The following TRAPPC9 variants were observed in gnomAD, a reference collection of about 807,000 sequenced individuals.
The protein encoded by TRAPPC9 is IKK2 binding protein.
TRAPPC9 carries 83 observed loss-of-function variants against 124.0 expected under a neutral mutation model. That is an observed-to-expected ratio of 0.67 (90% CI 0.56 to 0.80). TRAPPC9 has a LOEUF of 0.80. TRAPPC9 is among the 30% of genes least tolerant of loss of function. The pLI is 0.00. For missense variants in TRAPPC9, 1,302 were observed against 1,508.3 expected (o/e 0.86, Z 2.27); for synonymous variants, 638 against 617.5 (o/e 1.03, Z -0.49).
chr8:139,900,020 A>C (rs1830921188), intron 20 of TRAPPC9, among the ~76,000 whole-genome samples: 1 of 152,192 alleles, frequency 6.6e-6, no homozygotes, highest in Non-Finnish European at 1.5e-5. Flanking sequence ...TCATTCCACC[A>C]TTTGACCAGA....
intron 17 of TRAPPC9, among the ~76,000 whole-genome samples, chr8:140,043,222 T>A (rs959291021): frequency 6.6e-6 from 1 of 152,234 alleles, no homozygotes; most frequent in Admixed American, 6.5e-5. Context: ...CCACTTTTTA[T>A]AGTTTCCAGA....
chr8:140,358,926 G>A (rs1588211645), intron 9 of TRAPPC9, among the ~76,000 whole-genome samples: 1 of 152,258 alleles, frequency 6.6e-6, no homozygotes, highest in Non-Finnish European at 1.5e-5. Context: ...GGAAGCCCCG[G>A]CCCTCCCATC....
chr8:140,100,449 C>T (rs190661435), intron 17 of TRAPPC9: 2 of 152,262 alleles, frequency 1.3e-5, no homozygotes, highest in Admixed American at 1.3e-4. Context: ...GGTCGGGACA[C>T]CCAGCTACGT....
At chr8:140,086,991 T>C (rs2130106412) in intron 17 of TRAPPC9, among the ~76,000 whole-genome samples, 1 of 151,908 alleles carries the variant, frequency 6.6e-6, no homozygotes, top group East Asian at 1.9e-4. Context: ...CCATCCTGTT[T>C]CCCTGTTCTC....
chr8:139,874,113 C>T (rs995775827), intron 21 of TRAPPC9, among the ~76,000 whole-genome samples: 1 of 152,258 alleles, frequency 6.6e-6, no homozygotes, highest in African/African-American at 2.4e-5. Flanking sequence ...TCCTTGGGAA[C>T]TGACCAGGGC....
chr8:139,799,426 T>C (rs1823318589), intron 21 of TRAPPC9, among the ~76,000 whole-genome samples: 1 of 152,214 alleles, frequency 6.6e-6, no homozygotes, highest in Non-Finnish European at 1.5e-5. Context: ...CTGCTTCTTG[T>C]GCAGATGAGG....
chr8:139,754,554 G>GTATCA (rs1819569901), intron 21 of TRAPPC9, among the ~76,000 whole-genome samples: 2 of 152,166 alleles, frequency 1.3e-5, no homozygotes, highest in Non-Finnish European at 2.9e-5. Flanking sequence ...TCCACACAGG[G>GTATCA]TATCAAGGCT....
intron 16 of TRAPPC9, among the ~76,000 whole-genome samples, chr8:140,230,948 G>A (rs2063577252): frequency 1.3e-5 from 2 of 152,098 alleles, no homozygotes; most frequent in Admixed American, 1.3e-4. Context: ...CCTTTTAGGG[G>A]GTCCCTCTGA....
At chr8:139,797,380 C>T (rs1471985747) in intron 21 of TRAPPC9, among the ~76,000 whole-genome samples, 2 of 152,138 alleles carry the variant, frequency 1.3e-5, no homozygotes, top group African/African-American at 2.4e-5. Flanking sequence ...CTGCCTCAGC[C>T]TCCCAAAGAG....
Position 139,787,778 on chromosome 8 carries a change from C to T in TRAPPC9, c.3056-55576G>A, listed in dbSNP as rs1398874502. Among the ~76,000 whole-genome samples, 5 of 152,312 alleles carry T rather than the reference C, an allele frequency of 3.3e-5. No homozygotes were observed. In the South Asian group the frequency reaches 1.0e-3, roughly 32 times the overall value. ...CCTGGGTGTGTTTCTGTCTAGAGACCACTGGGTGCTCACCAGACCCCACAG... is the reference window on the plus strand; with the variant it reads ...CCTGGGTGTGTTTCTGTCTAGAGACTACTGGGTGCTCACCAGACCCCACAG... On this transcript the variant is annotated intron_variant, in intron 21 of 22. Coordinates refer to ENST00000438773, the MANE Select transcript of TRAPPC9 (RefSeq NM_001160372.4).
In TRAPPC9 at chr8:140,300,596, G is replaced by A; in HGVS notation, c.1641C>T (p.Asn547=). The change falls in exon 11 of 23, where the codon AAC becomes AAT. Residue 547 remains asparagine (N), a synonymous_variant. Coordinates refer to ENST00000438773, the MANE Select transcript of TRAPPC9 (RefSeq NM_001160372.4). ...TGTGTGGCCGGAGGCTAGCAGGAAG[G>A]TTCAATAGTTTCACATGCCTGTTGT... ...LPIVRHVKLL[N]LPASLRPHKM... is the part of the protein sequence containing the mutation. The A allele has an allele frequency of 2.5e-6, 4 of 1,614,222 alleles. No individual in the cohort carries two copies. The highest frequency in any genetic ancestry group is 2.2e-5 in the East Asian group (1 of 44,888).
chr8:139,936,383 C>T (rs1049682832), intron 19 of TRAPPC9, among the ~76,000 whole-genome samples: 1 of 152,238 alleles, frequency 6.6e-6, no homozygotes, highest in African/African-American at 2.4e-5. Context: ...AACACAAGGA[C>T]AAAGGAAGCG....
rs1039216039 is a variant in TRAPPC9 at position 140,182,188 on chromosome 8, C to T, written c.2556+39271G>A. On this transcript the variant is annotated intron_variant, in intron 17 of 22. Transcript: ENST00000438773. This position sits in a 1 kb window ranked among gnomAD's most constrained non-coding sequence, Gnocchi z 4.0. Reference sequence around the variant, plus strand: ...GAATTTCCTCTTTGCTTCAGGTACCCGGAAATCTTGCTTTCCAGTGCATAC... The same window carrying T: ...GAATTTCCTCTTTGCTTCAGGTACCTGGAAATCTTGCTTTCCAGTGCATAC... Among the ~76,000 whole-genome samples the T allele has an allele frequency of 7.2e-5, 11 of 152,114 alleles. No homozygotes were observed. The highest frequency in any genetic ancestry group is 1.3e-4 in the Non-Finnish European group (9 of 68,028).
Position 140,298,668 on chromosome 8 carries a change from T to A in TRAPPC9, c.1768+1801A>T, listed in dbSNP as rs1170913722. On this transcript the variant is annotated intron_variant, in intron 11 of 22. Coordinates refer to ENST00000438773, the MANE Select transcript of TRAPPC9 (RefSeq NM_001160372.4). ...CCCTGTCTCAAAGAAAAAAAAAAGA[T>A]GATGTGCTACACGTAATGCTCTTAT... Among the ~76,000 whole-genome samples, 3 of 150,828 alleles carry A rather than the reference T, an allele frequency of 2.0e-5. 1 individual carries two copies. The highest frequency in any genetic ancestry group is 4.4e-5 in the Non-Finnish European group (3 of 67,576).
chr8:140,372,389 C>T (rs1282890548), intron 7 of TRAPPC9, among the ~76,000 whole-genome samples: 2 of 152,218 alleles, frequency 1.3e-5, no homozygotes, highest in African/African-American at 4.8e-5. Context: ...CTCTCCTCCG[C>T]GCTCACTGCC....
At chr8:139,873,108 T>C (rs1829110014) in intron 21 of TRAPPC9, among the ~76,000 whole-genome samples, 1 of 151,530 alleles carries the variant, frequency 6.6e-6, no homozygotes, top group South Asian at 2.1e-4. Context: ...GGGTAGATGG[T>C]TGGATAGGTG....
intron 19 of TRAPPC9, among the ~76,000 whole-genome samples, chr8:139,945,480 CA>C (rs1834146379): frequency 7.7e-6 from 1 of 129,204 alleles, no homozygotes; most frequent in African/African-American, 2.9e-5. Flanking sequence ...GGGAGTCAGA[CA>C]ATTCCACAAT....
chr8:140,231,776 C>T (rs574346065), intron 16 of TRAPPC9, among the ~76,000 whole-genome samples: 7 of 151,670 alleles, frequency 4.6e-5, no homozygotes, highest in Non-Finnish European at 7.4e-5. Flanking sequence ...GGTTTTTACA[C>T]GCACATAAAA....
At chr8:140,123,975 C>T (rs2061035050) in intron 17 of TRAPPC9, among the ~76,000 whole-genome samples, 1 of 152,222 alleles carries the variant, frequency 6.6e-6, no homozygotes, top group Non-Finnish European at 1.5e-5. Flanking sequence ...CCATGTCTGT[C>T]TCACTCTGGA....
Sources: allele counts gnomAD v4.1 joint callset (sites outside exome capture counted in the v4.1 genomes callset), GRCh38; gene constraint gnomAD v4.1.1; non-coding constraint Gnocchi (gnomAD v3.1); transcripts MANE v1.5; gene names NCBI Gene and HGNC (gene_info 2026-07-23, HGNC 2026-07-21).